Variants in BCL2 observed in about 807,000 individuals in gnomAD.
BCL2 encodes apoptosis regulator Bcl-2.
Under a neutral mutation model 14.2 loss-of-function variants are expected in BCL2, and 1 was observed. The observed-to-expected ratio is 0.07, with a 90% confidence interval of 0.02 to 0.33. BCL2 has a LOEUF of 0.33. Ranked by LOEUF, BCL2 falls within the 10% of genes least tolerant of loss-of-function variation. The pLI is 0.99. For missense variants in BCL2, 247 were observed against 305.9 expected, an observed-to-expected ratio of 0.81 and a Z score of 1.44; for synonymous variants, 151 against 137.2, an observed-to-expected ratio of 1.10 and a Z score of -0.70.
At chr18:63,208,420 C>G (rs1289779985) in intron 2 of BCL2, among the ~76,000 whole-genome samples, 1 of 151,962 alleles carries the variant, frequency 6.6e-6, no homozygotes, top group Non-Finnish European at 1.5e-5. Context: ...CTGTTACCAG[C>G]TGAAGTGAAG....
At chr18:63,299,463 C>G (rs1843848204) in intron 2 of BCL2, among the ~76,000 whole-genome samples, 1 of 152,230 alleles carries the variant, frequency 6.6e-6, no homozygotes, top group Admixed American at 6.5e-5. Context: ...CCCATCTGGC[C>G]TCCTTGCTGC....
intron 2 of BCL2, chr18:63,302,178 A>C (rs888969469): frequency 1.2e-5 from 3 of 242,958 alleles, no homozygotes; most frequent in Admixed American, 6.5e-5. Flanking sequence ...AAAAAATACA[A>C]AAAAATGAGC....
At chr18:63,210,319 CCT>C (rs2144672924) in intron 2 of BCL2, among the ~76,000 whole-genome samples, 1 of 152,218 alleles carries the variant, frequency 6.6e-6, no homozygotes, top group South Asian at 2.1e-4. Context: ...AGGGCTCACC[CCT>C]GTGGTTATCA....
chr18:63,139,014 C>T (rs1420490337), intron 2 of BCL2, among the ~76,000 whole-genome samples: 2 of 152,148 alleles, frequency 1.3e-5, no homozygotes, highest in Admixed American at 6.5e-5. Flanking sequence ...GAAGCTTGGC[C>T]CCAACCACCT....
rs1208833853 is a variant in BCL2 at position 63,149,180 on chromosome 18, G to A, written c.586-20421C>T. On this transcript the variant is annotated intron_variant, in intron 2 of 2. Transcript: ENST00000333681. The surrounding 1 kb of genome is among the most constrained non-coding windows in gnomAD (Gnocchi z 4.2). ...CTTTTTGGCACCAGGGACGTGTTTT[G>A]TGGAGGACAATTTTTCCACGAATGG... Among the ~76,000 whole-genome samples, 1 of 152,184 alleles carries A rather than the reference G, an allele frequency of 6.6e-6. No individual in the cohort carries two copies. The highest frequency in any genetic ancestry group is 2.4e-5 in the African/African-American group (1 of 41,446).
intron 2 of BCL2, among the ~76,000 whole-genome samples, chr18:63,280,047 C>T (rs376778584): frequency 9.2e-5 from 14 of 152,240 alleles, no homozygotes; most frequent in East Asian, 5.8e-4. Flanking sequence ...AAAGTGTTTA[C>T]TTTAAAATAG....
intron 2 of BCL2, among the ~76,000 whole-genome samples, chr18:63,223,083 G>A (rs1032214952): frequency 3.3e-5 from 5 of 152,176 alleles, no homozygotes; most frequent in Non-Finnish European, 5.9e-5. Context: ...CTGGAACTGT[G>A]CGGAAGGGAG....
rs8098586 is a variant in BCL2 at position 63,141,107 on chromosome 18, C to G, written c.586-12348G>C. Among the ~76,000 whole-genome samples the G allele has an allele frequency of 6.2e-3, 937 of 152,308 alleles. 12 individuals carry two copies. The highest frequency in any genetic ancestry group is 0.022 in the African/African-American group (903 of 41,566). Reference sequence around the variant, plus strand: ...CTTGTAAGGTGAGCAGCTCACTTCACCCCTGGGACCTTCAATTTTCCTCAT... The same window carrying G: ...CTTGTAAGGTGAGCAGCTCACTTCAGCCCTGGGACCTTCAATTTTCCTCAT... On this transcript the variant is annotated intron_variant, in intron 2 of 2. Transcript: ENST00000333681.
intron 2 of BCL2, chr18:63,151,419 G>A (rs546330472): frequency 5.8e-4 from 88 of 151,302 alleles, no homozygotes; most frequent in African/African-American, 2.0e-3. Flanking sequence ...ATGTCCTGGT[G>A]GCAGAAGGGG....
At chr18:63,222,953 A>T (rs897863585) in intron 2 of BCL2, among the ~76,000 whole-genome samples, 1 of 152,238 alleles carries the variant, frequency 6.6e-6, no homozygotes, top group African/African-American at 2.4e-5. Context: ...CGGAAAGCAG[A>T]TGGAGAAGCA....
chr18:63,173,317 G>A (rs1915271756), intron 2 of BCL2, among the ~76,000 whole-genome samples: 1 of 152,174 alleles, frequency 6.6e-6, no homozygotes, highest in Non-Finnish European at 1.5e-5. Context: ...TATTTTGCTA[G>A]GCTCACCGTT....
chr18:63,299,877 G>A (rs905517910), intron 2 of BCL2, among the ~76,000 whole-genome samples: 1 of 145,640 alleles, frequency 6.9e-6, no homozygotes, highest in Non-Finnish European at 1.5e-5. Context: ...CACCTTCTCT[G>A]TGAAACCATC....
intron 2 of BCL2, among the ~76,000 whole-genome samples, chr18:63,272,516 A>C (rs1481786084): frequency 6.6e-6 from 1 of 152,212 alleles, no homozygotes; most frequent in Non-Finnish European, 1.5e-5. Context: ...TGTAAAAAAA[A>C]CAGAAATGTT....
chr18:63,212,148 A>G (rs1910030392), intron 2 of BCL2, among the ~76,000 whole-genome samples: 1 of 151,616 alleles, frequency 6.6e-6, no homozygotes, highest in Admixed American at 6.6e-5. Context: ...CAACATGGTG[A>G]AACCCCGTCT....
At chr18:63,239,481 C>T (rs1247974010) in intron 2 of BCL2, among the ~76,000 whole-genome samples, 1 of 152,212 alleles carries the variant, frequency 6.6e-6, no homozygotes. Context: ...GTGACTCACA[C>T]CTGTAATCAC....
intron 2 of BCL2, among the ~76,000 whole-genome samples, chr18:63,165,307 C>G (rs1274628479): frequency 2.0e-5 from 3 of 152,152 alleles, no homozygotes; most frequent in Non-Finnish European, 4.4e-5. Flanking sequence ...GGATGAACCT[C>G]ATTGGGTGTG....
intron 2 of BCL2, among the ~76,000 whole-genome samples, chr18:63,220,119 T>A (rs552629886): frequency 3.3e-5 from 5 of 152,314 alleles, no homozygotes; most frequent in Non-Finnish European, 7.4e-5. Flanking sequence ...CAAGAATGTC[T>A]GGAAAAACTA....
intron 2 of BCL2, among the ~76,000 whole-genome samples, chr18:63,242,521 T>C (rs140464104): frequency 2.0e-5 from 3 of 152,302 alleles, no homozygotes; most frequent in African/African-American, 4.8e-5. Flanking sequence ...GAGCATCACA[T>C]ATTGCTTTAT....
At chr18:63,305,102 G>A (rs1913083733) in intron 2 of BCL2, among the ~76,000 whole-genome samples, 1 of 152,186 alleles carries the variant, frequency 6.6e-6, no homozygotes, top group Non-Finnish European at 1.5e-5. Flanking sequence ...TGAGCTGATG[G>A]TAGGCACCAA....
Sources: gnomAD v4.1 joint callset for allele counts (sites outside exome capture counted in the v4.1 genomes callset) on GRCh38, gnomAD v4.1.1 for gene constraint, Gnocchi (gnomAD v3.1) non-coding constraint, MANE v1.5 for transcripts, NCBI Gene and HGNC (gene_info 2026-07-23, HGNC 2026-07-21) for gene names.